The following EMSY variants were observed in gnomAD, a reference collection of about 807,000 sequenced individuals.
EMSY encodes the protein EMSY transcriptional repressor, BRCA2 interacting.
A neutral mutation model predicts 134.6 loss-of-function variants in EMSY; 26 were observed. The observed-to-expected ratio is 0.19, with a 90% CI of 0.14 to 0.27. EMSY has a LOEUF of 0.27. EMSY is among the 10% of genes least tolerant of loss of function. The pLI is 1.00. For synonymous variants in EMSY, 579 were observed against 577.8 expected (o/e 1.00, Z -0.03); for missense variants, 1,305 against 1,611.4 (o/e 0.81, Z 3.26).
intron 11 of EMSY, among the ~76,000 whole-genome samples, chr11:76,519,515 G>A (rs896571187): frequency 6.6e-6 from 1 of 152,136 alleles, no homozygotes; most frequent in Admixed American, 6.5e-5. Context: ...TTCTAAGGAC[G>A]TTATGAGAAC....
intron 17 of EMSY, among the ~76,000 whole-genome samples, chr11:76,539,946 T>C (rs1041957515): frequency 2.0e-5 from 3 of 152,198 alleles, no homozygotes; most frequent in African/African-American, 7.2e-5. Context: ...CTCCACAATC[T>C]CCACCCATGA....
At chr11:76,471,273 G>A (rs1265093300) in intron 7 of EMSY, among the ~76,000 whole-genome samples, 4 of 152,070 alleles carry the variant, frequency 2.6e-5, no homozygotes, top group Admixed American at 6.5e-5. Context: ...TGAGAAGATA[G>A]TACAGAGTTC....
chr11:76,540,863 T>C (rs1951413214), intron 17 of EMSY, among the ~76,000 whole-genome samples: 1 of 152,196 alleles, frequency 6.6e-6, no homozygotes, highest in Non-Finnish European at 1.5e-5. Context: ...TTTTTATCTG[T>C]TTCTAATTCA....
At chr11:76,498,714 T>C (rs1297285049) in intron 9 of EMSY, among the ~76,000 whole-genome samples, 1 of 152,236 alleles carries the variant, frequency 6.6e-6, no homozygotes, top group Non-Finnish European at 1.5e-5. Flanking sequence ...GTAACTAGCC[T>C]GCATTAGTAT....
chr11:76,445,982 C>T (rs1010499078), intron 1 of EMSY, among the ~76,000 whole-genome samples: 1 of 152,104 alleles, frequency 6.6e-6, no homozygotes, highest in African/African-American at 2.4e-5. Context: ...GTTAGCAGCC[C>T]CAGCGCCTGG....
At chr11:76,514,945 A>G (rs1565336153) in intron 10 of EMSY, among the ~76,000 whole-genome samples, 1 of 152,112 alleles carries the variant, frequency 6.6e-6, no homozygotes, top group Non-Finnish European at 1.5e-5. Flanking sequence ...TTGTCTATTT[A>G]TGTGTCTGTG....
intron 18 of EMSY, among the ~76,000 whole-genome samples, chr11:76,542,758 T>TTG (rs796251685): frequency 1.3e-4 from 20 of 148,920 alleles, no homozygotes; most frequent in East Asian, 1.9e-4. Context: ...TTTTTGTTTT[T>TTG]TTTTTTTTTT....
intron 20 of EMSY, 95 bp downstream of exon 21, chr11:76,546,392 A>G: frequency 6.9e-7 from 1 of 1,455,022 alleles, no homozygotes; most frequent in Non-Finnish European, 9.2e-7. Flanking sequence ...GAATCAAGCC[A>G]AGACAGCAGG....
exon 11 of EMSY, chr11:76,516,279 G>C (rs2136166676): frequency 6.2e-7 from 1 of 1,612,036 alleles, no homozygotes; most frequent in Non-Finnish European, 8.5e-7. Context: ...AGCTACCTTG[G>C]GGGGCAAGAT....
intron 1 of EMSY, 58 bp from the exon 2 acceptor site, chr11:76,446,842 G>A: frequency 1.8e-6 from 2 of 1,087,532 alleles, no homozygotes; most frequent in Non-Finnish European, 2.7e-6. Context: ...CAGGTGAGTG[G>A]CCCCTTGAAT....
chr11:76,528,356 C>G, exon 14 of EMSY: 3 of 1,613,172 alleles, frequency 1.9e-6, no homozygotes, highest in Non-Finnish European at 2.5e-6. Context: ...TTACAGCAAG[C>G]ATCCAGGGTA....
chr11:76,492,463 A>G (rs1002435246), intron 8 of EMSY, among the ~76,000 whole-genome samples: 8 of 152,266 alleles, frequency 5.3e-5, no homozygotes, highest in Admixed American at 3.9e-4. Context: ...ACAGAGCGAG[A>G]CTCCATCTCA....
intron 9 of EMSY, among the ~76,000 whole-genome samples, chr11:76,511,634 A>T (rs1950281280): frequency 6.6e-6 from 1 of 152,142 alleles, no homozygotes; most frequent in African/African-American, 2.4e-5. Context: ...CAGGAGGTGG[A>T]GGTTGCAGTG....
intron 14 of EMSY, among the ~76,000 whole-genome samples, chr11:76,533,276 G>A (rs774923481): frequency 2.0e-5 from 3 of 152,106 alleles, no homozygotes; most frequent in Non-Finnish European, 4.4e-5. Context: ...GGGTGGGTTG[G>A]GTTGGTGGGG....
intron 17 of EMSY, among the ~76,000 whole-genome samples, chr11:76,540,325 G>GT (rs1383761882): frequency 6.6e-6 from 1 of 151,888 alleles, no homozygotes. Context: ...ATTATAATTT[G>GT]TTTTTTCTAC....
rs906598973 is a variant in EMSY at position 76,454,618 on chromosome 11, T to C, written c.245+1230T>C. On this transcript the variant is annotated intron_variant, in intron 4 of 20. Transcript: ENST00000334736. ...AACCTTAGCTTGCATTCAGAGGCAC[T>C]TAGAAACAAATTAGTATTGTAGAAG... 9 of 548,478 alleles carry C rather than the reference T, an allele frequency of 1.6e-5. No homozygotes were observed. The African/African-American group carries it at 1.8e-4, about 11-fold the overall frequency. The allele number at this position is 548,478 out of a possible 1,614,324, so 34.0% of individuals were successfully genotyped here.
intron 8 of EMSY, among the ~76,000 whole-genome samples, chr11:76,486,751 G>T (rs1949199847): frequency 6.6e-6 from 1 of 152,196 alleles, no homozygotes; most frequent in African/African-American, 2.4e-5. Context: ...TGAGGCTCCA[G>T]TTACTCCAGT....
At chr11:76,459,039 G>A (rs1947996477) in intron 5 of EMSY, 1 of 152,324 alleles carries the variant, frequency 6.6e-6, no homozygotes, top group East Asian at 1.9e-4. Flanking sequence ...AACAGAGTAA[G>A]ACACTTTTTT....
chr11:76,544,200 A>G (rs1951554403), intron 18 of EMSY, 59 bp from the exon 20 acceptor site: 1 of 1,467,290 alleles, frequency 6.8e-7, no homozygotes, highest in South Asian at 1.3e-5. Context: ...TTAAGAGGAA[A>G]ATGTAGCAAT....
Sources: gnomAD v4.1 joint callset for allele counts (sites outside exome capture counted in the v4.1 genomes callset) on GRCh38, gnomAD v4.1.1 for gene constraint, MANE v1.5 for transcripts, NCBI Gene and HGNC (gene_info 2026-07-23, HGNC 2026-07-21) for gene names.